RBFOX3: variants seen among roughly 807,000 people sequenced by gnomAD.
RBFOX3 encodes RNA binding protein fox-1 homolog 3.
In RBFOX3, 17 loss-of-function variants were observed where a neutral mutation model predicts 48.7. The ratio of observed to expected loss-of-function variants is 0.35; its 90% CI spans 0.24 to 0.52. The LOEUF (loss-of-function observed/expected upper bound fraction) is 0.52. RBFOX3 is among the 20% of genes least tolerant of loss of function. The pLI is 0.94. For missense variants in RBFOX3, 382 were observed against 497.5 expected (o/e 0.77, Z 2.21); for synonymous variants, 212 against 209.5 (o/e 1.01, Z -0.10).
intron 2 of RBFOX3, among the ~76,000 whole-genome samples, chr17:79,436,301 G>C (rs566551310): frequency 1.3e-5 from 2 of 152,352 alleles, no homozygotes; most frequent in South Asian, 4.1e-4. Context: ...CCAGGGCAGG[G>C]GAAGGTCATT....
At chr17:79,412,832 T>G (rs1241441752) in intron 2 of RBFOX3, among the ~76,000 whole-genome samples, 1 of 151,780 alleles carries the variant, frequency 6.6e-6, no homozygotes, top group Non-Finnish European at 1.5e-5. Context: ...TGTATATATG[T>G]GAGGGCATGG....
At chr17:79,630,590 C>T in the RBFOX3 span, among the ~76,000 whole-genome samples, 2 of 152,126 alleles carry the variant, frequency 1.3e-5, no homozygotes, top group Non-Finnish European at 2.9e-5. Context: ...ATTGCAGACA[C>T]ATTTCCAACC....
the RBFOX3 span, among the ~76,000 whole-genome samples, chr17:79,616,597 A>ACACACG: frequency 2.3e-4 from 34 of 149,980 alleles, no homozygotes; most frequent in Non-Finnish European, 4.3e-4. Flanking sequence ...ACACACACAC[A>ACACACG]CACACACACA....
At chr17:79,183,117 C>T (rs1297814590) in intron 4 of RBFOX3, 3 of 147,964 alleles carry the variant, frequency 2.0e-5, no homozygotes, top group African/African-American at 7.3e-5. Flanking sequence ...TCCCCCTACC[C>T]CAGCCCCGGC....
intron 1 of RBFOX3, among the ~76,000 whole-genome samples, chr17:79,591,632 A>G (rs1365895666): frequency 6.6e-6 from 1 of 152,146 alleles, no homozygotes; most frequent in Non-Finnish European, 1.5e-5. Flanking sequence ...AGCCCCAAAC[A>G]GTATCGTGTT....
At chr17:79,563,371 C>A (rs1030046043) in intron 1 of RBFOX3, among the ~76,000 whole-genome samples, 51 of 152,228 alleles carry the variant, frequency 3.4e-4, no homozygotes, top group Admixed American at 9.8e-4. Context: ...GCCTCGCTTC[C>A]GTCTGCAAGG....
rs782265825 is a variant in RBFOX3, at chr17:79,443,062, C to T, written c.-175+39392G>A. On this transcript the variant is annotated intron_variant, in intron 2 of 14. Transcript: ENST00000693108. The surrounding 1 kb of genome is among the most constrained non-coding windows in gnomAD (Gnocchi z 4.4). ...ATCCACCTGTGCCATGAGGTCCTCA[C>T]AGGCCAAAGGTGCACATGGACGAGA... Among the ~76,000 whole-genome samples the T allele has an allele frequency of 4.6e-5, 7 of 152,236 alleles. No individual in the cohort carries two copies. Among genetic ancestry groups the T allele is most frequent in the Non-Finnish European group, 7.3e-5 (5 of 68,038 alleles).
At chr17:79,462,226 A>G (rs1452268081) in intron 2 of RBFOX3, among the ~76,000 whole-genome samples, 3 of 152,316 alleles carry the variant, frequency 2.0e-5, no homozygotes, top group Admixed American at 6.5e-5. Context: ...ACAAACACTC[A>G]TGAGATGCAT....
At chr17:79,378,504 A>G (rs2147855509) in intron 2 of RBFOX3, among the ~76,000 whole-genome samples, 1 of 152,338 alleles carries the variant, frequency 6.6e-6, no homozygotes, top group Non-Finnish European at 1.5e-5. Context: ...ACTCGCTAGG[A>G]CATAACCCGT....
At chr17:79,106,560 C>A in intron 6 of RBFOX3, 91 bp downstream of exon 6, 1 of 1,366,204 alleles carries the variant, frequency 7.3e-7, no homozygotes, top group Non-Finnish European at 9.4e-7. Flanking sequence ...CCCGGGGGAA[C>A]AGGTGTCGGC....
At chr17:79,325,889 C>T (rs965388413) in intron 2 of RBFOX3, among the ~76,000 whole-genome samples, 1 of 152,178 alleles carries the variant, frequency 6.6e-6, no homozygotes, top group Non-Finnish European at 1.5e-5. Flanking sequence ...TAGGAAAAAC[C>T]CACCCGGGAG....
intron 1 of RBFOX3, among the ~76,000 whole-genome samples, chr17:79,532,927 C>T (rs1004916574): frequency 6.6e-5 from 10 of 152,198 alleles, no homozygotes; most frequent in Non-Finnish European, 1.2e-4. Flanking sequence ...AGCTGACAGA[C>T]GGAAGCTCTG....
chr17:79,122,629 C>A (rs1043688998), intron 4 of RBFOX3, among the ~76,000 whole-genome samples: 1 of 152,222 alleles, frequency 6.6e-6, no homozygotes, highest in East Asian at 1.9e-4. Flanking sequence ...AGAACAACCA[C>A]TACGGAGAAC....
intron 1 of RBFOX3, among the ~76,000 whole-genome samples, chr17:79,485,944 A>G (rs1194467806): frequency 6.6e-6 from 1 of 151,984 alleles, no homozygotes; most frequent in East Asian, 1.9e-4. Flanking sequence ...GTTTTTCCCC[A>G]CTCCGCAGTG....
intron 2 of RBFOX3, among the ~76,000 whole-genome samples, chr17:79,455,065 G>T (rs1053997191): frequency 6.6e-6 from 1 of 151,800 alleles, no homozygotes; most frequent in Non-Finnish European, 1.5e-5. Context: ...ACCCCTCCAT[G>T]GGGTATGTGC....
chr17:79,092,710 A>G, intron 14 of RBFOX3: 1 of 653,882 alleles, frequency 1.5e-6, no homozygotes. Flanking sequence ...AGCAAAAAGA[A>G]AAAAAAAAAG....
intron 2 of RBFOX3, among the ~76,000 whole-genome samples, chr17:79,442,301 GA>G (rs1568258323): frequency 0.013 from 249 of 18,952 alleles, no homozygotes; most frequent in South Asian, 0.02. Context: ...GAGGGAGAGA[GA>G]GGGAGAGAGA....
At chr17:79,132,584 C>T (rs1419845451) in intron 4 of RBFOX3, 2 of 152,354 alleles carry the variant, frequency 1.3e-5, no homozygotes, top group Non-Finnish European at 2.9e-5. Flanking sequence ...GGGGCAGAGT[C>T]GGGGGTGAGG....
intron 1 of RBFOX3, among the ~76,000 whole-genome samples, chr17:79,527,843 C>T (rs2150051489): frequency 6.6e-6 from 1 of 152,312 alleles, no homozygotes; most frequent in African/African-American, 2.4e-5. Context: ...GCCAGGAGGG[C>T]CTCCTGGGGC....
Sources: allele counts gnomAD v4.1 joint callset (sites outside exome capture counted in the v4.1 genomes callset), GRCh38; gene constraint gnomAD v4.1.1; non-coding constraint Gnocchi (gnomAD v3.1); transcripts MANE v1.5; gene names NCBI Gene and HGNC (gene_info 2026-07-23, HGNC 2026-07-21).